The following LRRTM4 variants were observed in gnomAD, a reference collection of about 807,000 sequenced individuals.
LRRTM4 encodes the protein leucine-rich repeat transmembrane neuronal protein 4.
Under a neutral mutation model 47.6 loss-of-function variants are expected in LRRTM4, and 25 were observed. That is an observed-to-expected ratio of 0.53 (90% CI 0.38 to 0.73). LRRTM4 has a LOEUF of 0.73. Among genes scored for constraint, LRRTM4 ranks in the 30% least tolerant of loss-of-function variants. The pLI, the probability that LRRTM4 is intolerant of heterozygous loss-of-function variation, is 0.00. For synonymous variants in LRRTM4, 311 were observed against 269.5 expected (o/e 1.15, Z -1.51); for missense variants, 638 against 713.4 (o/e 0.89, Z 1.20).
At position 77,073,626 on chromosome 2, in the gene LRRTM4, TTC is replaced by T. The variant is rs142209681; in HGVS notation, c.1552-324712_1552-324711del. ...AAAAGATATTATTGATTTCTGAATT[TTC>T]ATTTTTTCCATAATCTTCAAATACA... is the stretch of plus-strand genomic sequence containing the variant. On this transcript the variant is annotated intron_variant, in intron 3 of 3. Coordinates refer to ENST00000409884, the MANE Select transcript of LRRTM4 (RefSeq NM_001134745.3). Among the ~76,000 whole-genome samples, 1,029 of 152,228 alleles carry T rather than the reference TTC, an allele frequency of 6.8e-3. 17 individuals are homozygous for T. Among genetic ancestry groups the T allele is most frequent in the East Asian group, 0.063 (328 of 5,178 alleles).
chr2:76,935,439 G>A (rs1674912249), intron 3 of LRRTM4, among the ~76,000 whole-genome samples: 1 of 152,068 alleles, frequency 6.6e-6, no homozygotes, highest in Admixed American at 6.5e-5. Flanking sequence ...AATTACTTTG[G>A]GCAGTATGGC....
chr2:77,492,793 CATT>C (rs1164738519), intron 3 of LRRTM4, among the ~76,000 whole-genome samples: 1 of 152,042 alleles, frequency 6.6e-6, no homozygotes, highest in Non-Finnish European at 1.5e-5. Flanking sequence ...GCAAGACAAA[CATT>C]ATACAATGTG....
At chr2:76,769,188 T>G (rs1673581858) in intron 3 of LRRTM4, among the ~76,000 whole-genome samples, 1 of 152,130 alleles carries the variant, frequency 6.6e-6, no homozygotes, top group African/African-American at 2.4e-5. Flanking sequence ...AGGAACGTTC[T>G]GCTCCCTTGG....
intron 3 of LRRTM4, among the ~76,000 whole-genome samples, chr2:76,952,175 G>A (rs979942434): frequency 2.6e-5 from 4 of 151,898 alleles, no homozygotes; most frequent in Admixed American, 2.0e-4. Context: ...TCTAGGTATA[G>A]GATCATATTG....
At chr2:77,417,808 GT>G (rs749155362) in intron 3 of LRRTM4, among the ~76,000 whole-genome samples, 19 of 152,178 alleles carry the variant, frequency 1.2e-4, no homozygotes, top group East Asian at 7.8e-4. Context: ...TATACCTAAT[GT>G]TAAATGACGA....
chr2:76,997,094 T>G (rs979439253), intron 3 of LRRTM4, among the ~76,000 whole-genome samples: 1 of 152,132 alleles, frequency 6.6e-6, no homozygotes, highest in African/African-American at 2.4e-5. Flanking sequence ...TCAGAATGTC[T>G]TATTTCAAAG....
intron 3 of LRRTM4, among the ~76,000 whole-genome samples, chr2:77,269,501 A>T (rs991739238): frequency 2.0e-5 from 3 of 152,222 alleles, no homozygotes; most frequent in Non-Finnish European, 4.4e-5. Context: ...ACAATAGATT[A>T]TATGTCATTA....
At chr2:76,859,702 A>G (rs910466463) in intron 3 of LRRTM4, among the ~76,000 whole-genome samples, 2 of 152,100 alleles carry the variant, frequency 1.3e-5, no homozygotes, top group African/African-American at 2.4e-5. Context: ...ATAATTCTAA[A>G]TTTTACTTGA....
Position 76,807,441 on chromosome 2 carries a change from T to C in LRRTM4, c.1552-58525A>G, listed in dbSNP as rs1229823105. Among the ~76,000 whole-genome samples the C allele has an allele frequency of 1.7e-4, 13 of 75,908 alleles. No homozygotes were observed. In the South Asian group the frequency reaches 2.3e-3, roughly 13 times the overall value. The allele number at this position is 75,908 out of a possible 152,430, so 49.8% of individuals were successfully genotyped here. On this transcript the variant is annotated intron_variant, in intron 3 of 3. Coordinates refer to ENST00000409884, the MANE Select transcript of LRRTM4 (RefSeq NM_001134745.3). ...ATATATATACATATATATATACGTA[T>C]ATACATATATATATATACATATATA...
chr2:77,304,609 C>G (rs1330340278), intron 3 of LRRTM4, among the ~76,000 whole-genome samples: 1 of 152,106 alleles, frequency 6.6e-6, no homozygotes, highest in Non-Finnish European at 1.5e-5. Flanking sequence ...TTGCTCTTGT[C>G]TCTGATTTAT....
intron 3 of LRRTM4, among the ~76,000 whole-genome samples, chr2:77,418,621 A>G (rs1349643327): frequency 6.6e-6 from 1 of 152,096 alleles, no homozygotes; most frequent in Non-Finnish European, 1.5e-5. Context: ...CCACCTCAAT[A>G]TCTCTTTCAC....
chr2:77,502,226 T>C (rs926209925), intron 3 of LRRTM4, among the ~76,000 whole-genome samples: 1 of 151,530 alleles, frequency 6.6e-6, no homozygotes, highest in East Asian at 1.9e-4. Flanking sequence ...ACATTATTAT[T>C]TTTGTGTAAT....
intron 3 of LRRTM4, among the ~76,000 whole-genome samples, chr2:76,873,813 G>A (rs765697935): frequency 5.3e-5 from 8 of 151,616 alleles, no homozygotes; most frequent in Non-Finnish European, 8.8e-5. Context: ...CAATCCTGAT[G>A]CTAATGTACT....
chr2:77,213,469 C>T (rs1674352040), intron 3 of LRRTM4, among the ~76,000 whole-genome samples: 1 of 152,042 alleles, frequency 6.6e-6, no homozygotes, highest in Admixed American at 6.6e-5. Flanking sequence ...ATTAAGTATA[C>T]ATAAATATGT....
chr2:77,206,635 G>T (rs1053854704), intron 3 of LRRTM4, among the ~76,000 whole-genome samples: 1 of 151,748 alleles, frequency 6.6e-6, no homozygotes, highest in East Asian at 1.9e-4. Context: ...CAGAGCACGC[G>T]ACCATGCCCA....
intron 3 of LRRTM4, among the ~76,000 whole-genome samples, chr2:76,780,148 C>T (rs1167684982): frequency 2.0e-5 from 3 of 152,182 alleles, no homozygotes; most frequent in Middle Eastern, 3.2e-3. Flanking sequence ...GTCTGATGGG[C>T]TTCCCTTTGA....
At chr2:76,964,766 G>T (rs913455592) in intron 3 of LRRTM4, among the ~76,000 whole-genome samples, 30 of 150,108 alleles carry the variant, frequency 2.0e-4, no homozygotes, top group African/African-American at 7.3e-4. Flanking sequence ...ATGTGAAAAT[G>T]GGAAAACAGA....
At chr2:76,945,146 G>A (rs779654930) in intron 3 of LRRTM4, among the ~76,000 whole-genome samples, 2 of 151,942 alleles carry the variant, frequency 1.3e-5, no homozygotes, top group African/African-American at 4.8e-5. Flanking sequence ...TATGTAAAGG[G>A]AATCTTACCA....
chr2:77,335,845 C>T (rs566480148), intron 3 of LRRTM4, among the ~76,000 whole-genome samples: 2 of 152,068 alleles, frequency 1.3e-5, no homozygotes, highest in Non-Finnish European at 2.9e-5. Flanking sequence ...TAGGAATCAG[C>T]AAACTATTTC....
Sources: allele counts gnomAD v4.1 joint callset (sites outside exome capture counted in the v4.1 genomes callset), GRCh38; gene constraint gnomAD v4.1.1; transcripts MANE v1.5; gene names NCBI Gene and HGNC (gene_info 2026-07-23, HGNC 2026-07-21).